BMAL1: variants seen among roughly 807,000 people sequenced by gnomAD.
The protein encoded by BMAL1 is basic helix-loop-helix ARNT like 1, also known as basic helix-loop-helix ARNT-like protein 1.
the BMAL1 span, among the ~76,000 whole-genome samples, chr11:13,321,403 T>G: frequency 2.0e-5 from 3 of 152,184 alleles, no homozygotes; most frequent in Non-Finnish European, 4.4e-5. Flanking sequence ...GGGCTGCCCG[T>G]TCTTTCTTAT....
At chr11:13,326,721 G>A in the BMAL1 span, among the ~76,000 whole-genome samples, 3 of 50,368 alleles carry the variant, frequency 6.0e-5, no homozygotes, top group South Asian at 5.6e-4. Flanking sequence ...AGATTATATA[G>A]GTATTATATA....
chr11:13,385,494 G>C, the BMAL1 span, among the ~76,000 whole-genome samples: 1 of 152,182 alleles, frequency 6.6e-6, no homozygotes, highest in Admixed American at 6.5e-5. Context: ...CTAAAATGGA[G>C]AGAAAAGAAT....
At chr11:13,369,894 C>T in the BMAL1 span, 2 of 1,141,810 alleles carry the variant, frequency 1.8e-6, no homozygotes, top group Non-Finnish European at 2.5e-6. Context: ...GGACTGCAGA[C>T]AGGACCCTGC....
At chr11:13,373,718 A>C in the BMAL1 span, among the ~76,000 whole-genome samples, 1 of 152,160 alleles carries the variant, frequency 6.6e-6, no homozygotes, top group Non-Finnish European at 1.5e-5. Flanking sequence ...CATGTTGCCC[A>C]AGCTAATCTT....
chr11:13,298,196 G>A, the BMAL1 span, among the ~76,000 whole-genome samples: 1 of 152,202 alleles, frequency 6.6e-6, no homozygotes, highest in South Asian at 2.1e-4. Flanking sequence ...TTGTGCAGCT[G>A]TACATGCTGC....
the BMAL1 span, among the ~76,000 whole-genome samples, chr11:13,308,003 TC>T: frequency 6.6e-6 from 1 of 152,084 alleles, no homozygotes; most frequent in Non-Finnish European, 1.5e-5. Context: ...GTAGAGTGAC[TC>T]CAAGAGTAGC....
the BMAL1 span, among the ~76,000 whole-genome samples, chr11:13,361,276 G>A: frequency 3.9e-5 from 6 of 152,154 alleles, no homozygotes; most frequent in Admixed American, 1.3e-4. Flanking sequence ...GAATTAGGTC[G>A]GCACAAAGCT....
chr11:13,361,178 GCTTGA>G, the BMAL1 span, among the ~76,000 whole-genome samples: 1 of 152,124 alleles, frequency 6.6e-6, no homozygotes, highest in Non-Finnish European at 1.5e-5. Context: ...GCTTTCACCT[GCTTGA>G]CTTGAGTGCT....
chr11:13,308,452 G>A, the BMAL1 span, among the ~76,000 whole-genome samples: 1 of 152,200 alleles, frequency 6.6e-6, no homozygotes, highest in Non-Finnish European at 1.5e-5. Flanking sequence ...AGATCACCAA[G>A]GGAGTGACAG....
the BMAL1 span, chr11:13,379,680 T>C: frequency 6.6e-6 from 1 of 152,224 alleles, no homozygotes; most frequent in Non-Finnish European, 1.5e-5. Flanking sequence ...GAGGAAAGAT[T>C]TGAACTTGGC....
chr11:13,338,630 G>C, the BMAL1 span, among the ~76,000 whole-genome samples: 1 of 152,178 alleles, frequency 6.6e-6, no homozygotes, highest in South Asian at 2.1e-4. Context: ...TTTATTTGCT[G>C]AGTCACTGAA....
At chr11:13,379,085 T>G in the BMAL1 span, 2 of 152,288 alleles carry the variant, frequency 1.3e-5, no homozygotes, top group African/African-American at 4.8e-5. Flanking sequence ...TGCTCTCTGT[T>G]GATTTAAACC....
At chr11:13,308,339 T>TTGGA in the BMAL1 span, among the ~76,000 whole-genome samples, 1 of 151,956 alleles carries the variant, frequency 6.6e-6, no homozygotes, top group African/African-American at 2.4e-5. Flanking sequence ...ACACAAACAG[T>TTGGA]TGGATGTACT....
the BMAL1 span, among the ~76,000 whole-genome samples, chr11:13,309,688 C>G: frequency 2.0e-5 from 3 of 152,098 alleles, no homozygotes; most frequent in Non-Finnish European, 2.9e-5. Flanking sequence ...GGTCTCTTCT[C>G]TTAAAAAGCC....
the BMAL1 span, among the ~76,000 whole-genome samples, chr11:13,301,210 C>T: frequency 6.6e-6 from 1 of 152,218 alleles, no homozygotes; most frequent in Non-Finnish European, 1.5e-5. Context: ...GTTGGGATTA[C>T]AGGCATGAGC....
At chr11:13,339,297 C>T in the BMAL1 span, among the ~76,000 whole-genome samples, 2 of 152,286 alleles carry the variant, frequency 1.3e-5, no homozygotes, top group Admixed American at 6.5e-5. Flanking sequence ...CATTGATCAG[C>T]ACAGCCCCTG....
chr11:13,314,893 C>G, the BMAL1 span, among the ~76,000 whole-genome samples: 1 of 152,090 alleles, frequency 6.6e-6, no homozygotes, highest in African/African-American at 2.4e-5. Context: ...AAGCTCTGAC[C>G]CCAGGGGTCC....
the BMAL1 span, chr11:13,376,783 C>A: frequency 2.6e-6 from 4 of 1,529,808 alleles, no homozygotes; most frequent in South Asian, 3.6e-5. Context: ...TGCTTGTGGT[C>A]AAATATCCTC....
the BMAL1 span, among the ~76,000 whole-genome samples, chr11:13,372,772 C>T: frequency 6.6e-6 from 1 of 152,062 alleles, no homozygotes; most frequent in Non-Finnish European, 1.5e-5. Flanking sequence ...GATTGCACCA[C>T]TGCACTTCCG....
Sources: allele counts gnomAD v4.1 joint callset (sites outside exome capture counted in the v4.1 genomes callset), GRCh38; gene constraint gnomAD v4.1.1; transcripts MANE v1.5; gene names NCBI Gene and HGNC (gene_info 2026-07-23, HGNC 2026-07-21).